The following TACC1 variants were observed in gnomAD, a reference collection of about 807,000 sequenced individuals.
TACC1 encodes the protein transforming acidic coiled-coil-containing protein 1.
Under a neutral mutation model 84.4 loss-of-function variants are expected in TACC1, and 48 were observed. The observed-to-expected ratio is 0.57, with a 90% confidence interval of 0.45 to 0.72. The LOEUF (loss-of-function observed/expected upper bound fraction) is 0.72, where lower values mean the gene tolerates loss of function less well. TACC1 is among the 30% of genes least tolerant of loss of function. TACC1 has a pLI of 0.00. For synonymous variants in TACC1, 372 were observed against 376.3 expected, an observed-to-expected ratio of 0.99 and a Z score of 0.13; for missense variants, 920 against 973.0, an observed-to-expected ratio of 0.95 and a Z score of 0.72.
chr8:38,799,199 G>T (rs1193869530), intron 2 of TACC1, among the ~76,000 whole-genome samples: 1 of 152,210 alleles, frequency 6.6e-6, no homozygotes, highest in Non-Finnish European at 1.5e-5. Context: ...GACCTTCAGG[G>T]CAAAGGGCCA....
intron 3 of TACC1, among the ~76,000 whole-genome samples, chr8:38,780,003 C>T (rs1478813490): frequency 6.6e-6 from 1 of 152,198 alleles, no homozygotes; most frequent in Non-Finnish European, 1.5e-5. Context: ...ACAATACTAA[C>T]AGCCTTTGTT....
At chr8:38,735,660 C>T (rs531413058) in intron 1 of TACC1, among the ~76,000 whole-genome samples, 1 of 152,336 alleles carries the variant, frequency 6.6e-6, no homozygotes, top group East Asian at 1.9e-4. Flanking sequence ...GACAGCATCT[C>T]CTACAGTGGG....
intron 7 of TACC1, among the ~76,000 whole-genome samples, chr8:38,837,947 T>A (rs1221546938): frequency 1.3e-5 from 2 of 152,238 alleles, no homozygotes; most frequent in African/African-American, 4.8e-5. Flanking sequence ...TATAGCTAGA[T>A]GTAGCCAGCT....
rs555937768 is a variant in TACC1, at chr8:38,818,441, C to T, written c.278-1081C>T. On this transcript the variant is annotated intron_variant, in intron 2 of 12. Coordinates refer to ENST00000317827, the MANE Select transcript of TACC1 (RefSeq NM_006283.3). ...TCACTTTTTGCTTTAACGAAATTAC[C>T]TCATTCACACCTTCCTAATATTTGC... 1.3e-4 allele frequency among the ~76,000 whole-genome samples: 20 copies of T among 152,228 alleles called. 1 individual carries two copies. The South Asian group carries it at 3.9e-3, about 30-fold the overall frequency.
chr8:38,778,235 C>T (rs562989932), intron 3 of TACC1, among the ~76,000 whole-genome samples: 5 of 151,724 alleles, frequency 3.3e-5, no homozygotes, highest in Non-Finnish European at 7.4e-5. Flanking sequence ...CATGAGCCAC[C>T]ACACCTGGCC....
rs371072835 is a variant in TACC1, at chr8:38,819,707, G to C, written c.463G>C (p.Glu155Gln). ...KISIVRPFSI[E>Q]TKDSTDISAV... ...TTCCATCGTGAGGCCATTTTCAATAGAAACGAAGGATTCCACGGATATCTC... is the reference window on the plus strand; with the variant it reads ...TTCCATCGTGAGGCCATTTTCAATACAAACGAAGGATTCCACGGATATCTC... The change falls in exon 3 of 13, where the codon GAA (glutamate) becomes CAA (glutamine). Residue 155 changes from glutamate (E) to glutamine (Q), a missense_variant. By Grantham distance (29) the Glu-to-Gln change is conservative (BLOSUM62 2). Around this residue, in one of 2 missense-constraint regions of TACC1, gnomAD observed 762 missense variants for 747.3 expected, o/e 1.02. Transcript: ENST00000317827. 19 of 1,614,186 alleles carry C rather than the reference G, an allele frequency of 1.2e-5. No homozygotes were observed. In the African/African-American group the frequency reaches 2.4e-4, roughly 20 times the overall value.
At chr8:38,798,610 T>A (rs1820563309) in intron 2 of TACC1, among the ~76,000 whole-genome samples, 1 of 146,168 alleles carries the variant, frequency 6.8e-6, no homozygotes, top group Non-Finnish European at 1.5e-5. Context: ...GTTCTGCGTG[T>A]GTGTGTGTGT....
intron 1 of TACC1, among the ~76,000 whole-genome samples, chr8:38,733,803 G>A (rs753341101): frequency 6.6e-6 from 1 of 151,940 alleles, no homozygotes; most frequent in Non-Finnish European, 1.5e-5. Context: ...CTTAATTCAC[G>A]GGACAACCTT....
intron 3 of TACC1, among the ~76,000 whole-genome samples, chr8:38,754,412 A>G (rs1031740894): frequency 6.6e-6 from 1 of 152,158 alleles, no homozygotes; most frequent in Non-Finnish European, 1.5e-5. Flanking sequence ...CTTCCCTCAG[A>G]ATAACCGACT....
chr8:38,849,042 A>C lies in TACC1; in HGVS notation c.*1019A>C, dbSNP rs1832766616. On this transcript the variant is annotated 3_prime_UTR_variant, in exon 13 of 13. Transcript: ENST00000317827. ...CTACTTGTAAAAGGCTCAGATCTTA[A>C]TTAAAAGGTAATTGTAGCACATTAC... 6.6e-6 allele frequency: 1 copy of C among 152,098 alleles called. No homozygotes were observed. Among genetic ancestry groups the C allele is most frequent in the Non-Finnish European group, 1.5e-5 (1 of 68,008 alleles). The allele number at this position is 152,098 out of a possible 1,614,324, so 9.4% of individuals were successfully genotyped here. A position where few individuals can be genotyped will look rare whatever the true frequency, so the allele number is the denominator to read the frequency against.
chr8:38,735,327 G>C (rs1041682772), intron 1 of TACC1, among the ~76,000 whole-genome samples: 6 of 152,174 alleles, frequency 3.9e-5, no homozygotes, highest in African/African-American at 1.4e-4. Flanking sequence ...GGAGAGTCTT[G>C]AGAGGAAGCT....
chr8:38,782,267 G>A (rs1476433512), upstream of TACC1, among the ~76,000 whole-genome samples: 3 of 151,608 alleles, frequency 2.0e-5, no homozygotes, highest in Non-Finnish European at 4.4e-5. Context: ...GAGAATATGC[G>A]GTGTTTGGTT....
intron 6 of TACC1, 125 bp from the exon 7 acceptor site, chr8:38,836,037 G>A (rs1830157619): frequency 1.1e-5 from 14 of 1,319,714 alleles, no homozygotes; most frequent in African/African-American, 1.5e-5. Context: ...GCTTCCCCCC[G>A]CTGACTTTTC....
At chr8:38,738,887 G>A (rs1429573521) in intron 1 of TACC1, among the ~76,000 whole-genome samples, 1 of 152,100 alleles carries the variant, frequency 6.6e-6, no homozygotes, top group Non-Finnish European at 1.5e-5. Flanking sequence ...GTATATGTGT[G>A]TGTGCTGACT....
At chr8:38,795,051 G>A (rs925613036) in intron 2 of TACC1, among the ~76,000 whole-genome samples, 6 of 152,132 alleles carry the variant, frequency 3.9e-5, no homozygotes, top group African/African-American at 7.2e-5. Flanking sequence ...TCTGAAGTTG[G>A]AGATTCCAAC....
chr8:38,761,955 C>A (rs1811289500), intron 3 of TACC1, among the ~76,000 whole-genome samples: 1 of 152,076 alleles, frequency 6.6e-6, no homozygotes, highest in African/African-American at 2.4e-5. Context: ...TCCCGTGAAG[C>A]CAATCCCGAA....
At chr8:38,745,229 C>T (rs1384719333) in exon 3 of TACC1, 2 of 416,654 alleles carry the variant, frequency 4.8e-6, no homozygotes, top group Non-Finnish European at 8.5e-6. Flanking sequence ...AGACAAAGAT[C>T]TGCACTCAGA....
At chr8:38,836,075 C>A in intron 6 of TACC1, 87 bp from the exon 7 acceptor site, 1 of 1,543,902 alleles carries the variant, frequency 6.5e-7, no homozygotes, top group South Asian at 1.1e-5. Flanking sequence ...AGGATGTGAT[C>A]AATTTAGTAA....
intron 2 of TACC1, among the ~76,000 whole-genome samples, chr8:38,807,281 G>A (rs1252031496): frequency 6.6e-6 from 1 of 152,154 alleles, no homozygotes; most frequent in East Asian, 1.9e-4. Flanking sequence ...TGGTCTTTCT[G>A]GTCGTCAGCC....
Sources: gnomAD v4.1 joint callset for allele counts (sites outside exome capture counted in the v4.1 genomes callset) on GRCh38, gnomAD v4.1.1 for gene constraint, gnomAD v4.1.1 regional missense constraint, MANE v1.5 for transcripts, NCBI Gene and HGNC (gene_info 2026-07-23, HGNC 2026-07-21) for gene names.